FRMPD4: variants seen among roughly 807,000 people sequenced by gnomAD.
The protein encoded by FRMPD4 is FERM and PDZ domain containing 4.
In FRMPD4, 22 loss-of-function variants were observed where a neutral mutation model predicts 94.1. That is an observed-to-expected ratio of 0.23 (90% confidence interval 0.17 to 0.33). FRMPD4 has a LOEUF of 0.33. Ranked by LOEUF, FRMPD4 falls within the 10% of genes least tolerant of loss-of-function variation. FRMPD4 has a pLI of 1.00. For missense variants in FRMPD4, 1,111 were observed against 1,339.9 expected, an observed-to-expected ratio of 0.83 and a Z score of 2.67; for synonymous variants, 631 against 548.6, an observed-to-expected ratio of 1.15 and a Z score of -2.10.
At chrX:12,642,069 GGA>G (rs1491105596) in intron 4 of FRMPD4, among the ~76,000 whole-genome samples, 2,635 of 34,797 alleles carry the variant, frequency 0.076, 76 homozygotes, top group African/African-American at 0.29. Flanking sequence ...AGTTCATAGA[GGA>G]AAAAAAAAAG....
chrX:12,445,286 C>G (rs2057181767), intron 1 of FRMPD4, among the ~76,000 whole-genome samples: 1 of 112,189 alleles, frequency 8.9e-6, no homozygotes, highest in Non-Finnish European at 1.9e-5. Flanking sequence ...AACAAGCCCT[C>G]CAGGTGATTG....
At chrX:12,394,055 A>AATAAGTTAT (rs1430998260) in intron 1 of FRMPD4, among the ~76,000 whole-genome samples, 274 of 111,896 alleles carry the variant, frequency 2.4e-3, no homozygotes, top group African/African-American at 8.6e-3. Flanking sequence ...TATGTGTGAT[A>AATAAGTTAT]ATAAGTTATA....
chrX:12,668,567 T>C (rs949596250), intron 4 of FRMPD4, among the ~76,000 whole-genome samples: 2 of 108,670 alleles, frequency 1.8e-5, no homozygotes, highest in African/African-American at 6.7e-5. Context: ...GAAGAAATTC[T>C]GCATGAGGTT....
chrX:12,199,265 GTGTGTA>G (rs753029065), intron 1 of FRMPD4, among the ~76,000 whole-genome samples: 1,828 of 99,995 alleles, frequency 0.018, 22 homozygotes, highest in East Asian at 0.07. Context: ...GTGTGTGTGT[GTGTGTA>G]TGTGTGTGTG....
intron 2 of FRMPD4, among the ~76,000 whole-genome samples, chrX:12,587,174 A>G (rs766524729): frequency 1.8e-5 from 2 of 110,300 alleles, no homozygotes; most frequent in South Asian, 7.8e-4. Context: ...ACAGGGTTTC[A>G]CCATATTGGC....
chrX:12,713,095 A>AG (rs2042016229), intron 14 of FRMPD4, among the ~76,000 whole-genome samples: 2 of 110,848 alleles, frequency 1.8e-5, no homozygotes, highest in South Asian at 3.8e-4. Context: ...AAAGAAAAAA[A>AG]AAAAAGAAAA....
At chrX:12,593,494 A>G (rs1034693733) in intron 2 of FRMPD4, among the ~76,000 whole-genome samples, 4 of 111,936 alleles carry the variant, frequency 3.6e-5, no homozygotes, top group Admixed American at 9.5e-5. Flanking sequence ...GGGACTTTTC[A>G]GATTCTTTTT....
intron 3 of FRMPD4, among the ~76,000 whole-genome samples, chrX:11,930,107 CAAAAAAAAAAAAAA>C (rs55973946): frequency 7.5e-5 from 1 of 13,256 alleles, no homozygotes; most frequent in South Asian, 0.013. Context: ...GACTCTGTCT[CAAAAAAAAAAAAAA>C]AAAAAAAAAA....
chrX:12,043,337 A>C (rs1325000990), intron 3 of FRMPD4, among the ~76,000 whole-genome samples: 1 of 112,047 alleles, frequency 8.9e-6, no homozygotes, highest in Non-Finnish European at 1.9e-5. Flanking sequence ...ATCAAACAAT[A>C]AGATAATTGA....
chrX:12,121,693 GAAC>G (rs2055455758), intron 3 of FRMPD4, among the ~76,000 whole-genome samples: 1 of 111,677 alleles, frequency 9.0e-6, no homozygotes, highest in Non-Finnish European at 1.9e-5. Context: ...AGATAAAGCT[GAAC>G]TGTGTACTTG....
At chrX:12,146,584 A>G (rs1359181144) in intron 1 of FRMPD4, among the ~76,000 whole-genome samples, 2 of 111,677 alleles carry the variant, frequency 1.8e-5, no homozygotes, top group African/African-American at 6.5e-5. Context: ...TTTTGTCTGG[A>G]ACAATCTTTA....
At chrX:12,086,271 T>G (rs1487685993) in intron 3 of FRMPD4, among the ~76,000 whole-genome samples, 1 of 112,001 alleles carries the variant, frequency 8.9e-6, no homozygotes, top group East Asian at 2.8e-4. Flanking sequence ...TTTAGAGTGT[T>G]GAAGGCTCTA....
intron 2 of FRMPD4, among the ~76,000 whole-genome samples, chrX:12,569,576 T>TA (rs2058742963): frequency 8.9e-6 from 1 of 112,195 alleles, no homozygotes. Flanking sequence ...AAAATAGTTT[T>TA]AAAAAACCAC....
intron 1 of FRMPD4, among the ~76,000 whole-genome samples, chrX:11,850,445 CG>C (rs1480120077): frequency 1.8e-5 from 2 of 111,912 alleles, no homozygotes; most frequent in Non-Finnish European, 3.8e-5. Context: ...AAATCTACTT[CG>C]GGGTTTATAC....
chrX:11,926,044 G>GACAAGGGGGATATTACCACTGAA (rs1261996845), intron 3 of FRMPD4, among the ~76,000 whole-genome samples: 1 of 110,091 alleles, frequency 9.1e-6, no homozygotes, highest in East Asian at 2.8e-4. Flanking sequence ...AAAAAGAAAT[G>GACAAGGGGGATATTACCACTGAA]ACAAGGGGGA....
intron 3 of FRMPD4, among the ~76,000 whole-genome samples, chrX:12,060,508 A>G (rs926784381): frequency 9.1e-6 from 1 of 109,968 alleles, no homozygotes; most frequent in Non-Finnish European, 1.9e-5. Context: ...AGCCCCAACT[A>G]TATATTTTCC....
At chrX:12,400,355 A>G (rs2056594262) in intron 1 of FRMPD4, among the ~76,000 whole-genome samples, 1 of 112,309 alleles carries the variant, frequency 8.9e-6, no homozygotes, top group Non-Finnish European at 1.9e-5. Flanking sequence ...TGCCTAAAGC[A>G]GAGAGAAAAC....
intron 3 of FRMPD4, among the ~76,000 whole-genome samples, chrX:11,963,300 G>T (rs977209860): frequency 2.7e-5 from 3 of 112,339 alleles, no homozygotes; most frequent in Non-Finnish European, 5.6e-5. Context: ...ACCGATGTCT[G>T]CTGCTACAGT....
chrX:12,328,646 T>C (rs1484247774), intron 1 of FRMPD4, among the ~76,000 whole-genome samples: 1 of 112,473 alleles, frequency 8.9e-6, no homozygotes, highest in Non-Finnish European at 1.9e-5. Flanking sequence ...GCACCTCTTA[T>C]TCTGATGCAG....
Sources: allele counts gnomAD v4.1 joint callset (sites outside exome capture counted in the v4.1 genomes callset), GRCh38; gene constraint gnomAD v4.1.1; transcripts MANE v1.5; gene names NCBI Gene and HGNC (gene_info 2026-07-23, HGNC 2026-07-21).